Variants in NEDD4 observed in about 807,000 individuals in gnomAD.
NEDD4 encodes the protein NEDD4 E3 ubiquitin protein ligase, also known as E3 ubiquitin-protein ligase NEDD4.
In NEDD4, 99 loss-of-function variants were observed where a neutral mutation model predicts 144.9. The ratio of observed to expected loss-of-function variants is 0.68; its 90% CI spans 0.58 to 0.81. The LOEUF (loss-of-function observed/expected upper bound fraction) is 0.81, where lower values mean the gene tolerates loss of function less well. Among genes scored for constraint, NEDD4 ranks in the 30% least tolerant of loss-of-function variants. The probability of loss-of-function intolerance (pLI) is 0.00; values close to 1 mark genes in which losing one functional copy is unlikely to be tolerated. For synonymous variants in NEDD4, 318 were observed against 350.6 expected, an observed-to-expected ratio of 0.91 and a Z score of 1.04; for missense variants, 985 against 1,065.9, an observed-to-expected ratio of 0.92 and a Z score of 1.06.
intron 18 of NEDD4, among the ~76,000 whole-genome samples, chr15:55,842,583 G>A (rs1213858220): frequency 6.6e-6 from 1 of 152,094 alleles, no homozygotes; most frequent in East Asian, 1.9e-4. Flanking sequence ...TTGCCATCTT[G>A]CCCAGGCTGG....
chr15:55,984,834 G>GT (rs1445814148), intron 1 of NEDD4, among the ~76,000 whole-genome samples: 1 of 152,222 alleles, frequency 6.6e-6, no homozygotes, highest in Non-Finnish European at 1.5e-5. Context: ...TAAAGAAGAA[G>GT]TAACATCAAT....
intron 4 of NEDD4, among the ~76,000 whole-genome samples, chr15:55,947,709 T>C (rs35329525): frequency 0.13 from 20,487 of 152,254 alleles, 1,508 homozygotes; most frequent in East Asian, 0.32. Flanking sequence ...ACCATATGAT[T>C]ATCTCAATAG....
At chr15:55,928,114 A>T (rs1434477432) in intron 4 of NEDD4, among the ~76,000 whole-genome samples, 1 of 151,912 alleles carries the variant, frequency 6.6e-6, no homozygotes, top group African/African-American at 2.4e-5. Flanking sequence ...GGTTCAAGCG[A>T]TTCTCCTGCC....
At chr15:55,913,919 G>A (rs751948838) in intron 5 of NEDD4, among the ~76,000 whole-genome samples, 6 of 151,696 alleles carry the variant, frequency 4.0e-5, no homozygotes, top group Non-Finnish European at 5.9e-5. Flanking sequence ...TACTATTAAC[G>A]TTTCTTCTCA....
chr15:55,919,624 T>G (rs932447069), intron 5 of NEDD4, among the ~76,000 whole-genome samples: 5 of 152,158 alleles, frequency 3.3e-5, no homozygotes, highest in African/African-American at 1.2e-4. Flanking sequence ...ATCCTAACCT[T>G]AAGTGTAGAA....
At chr15:55,979,337 C>T (rs7177040) in intron 1 of NEDD4, among the ~76,000 whole-genome samples, 122,722 of 123,624 alleles carry the variant, frequency 0.99, 60,913 homozygotes, top group Middle Eastern at 1. Context: ...AAGTTTTTAC[C>T]TCTTTTTTTT....
rs143131685 is a variant in NEDD4 at position 55,934,139 on chromosome 15, G to C, written c.238-9440C>G. ...CTGCACTCCAGCCTGGGCAACAAGA[G>C]TGAAACTCTGTCTCAAAATAATAAT... is the stretch of plus-strand genomic sequence containing the variant. On this transcript the variant is annotated intron_variant, in intron 4 of 28. Transcript: ENST00000435532. 2.8e-3 allele frequency among the ~76,000 whole-genome samples: 422 copies of C among 152,188 alleles called. 2 individuals carry two copies. The highest frequency in any genetic ancestry group is 4.8e-3 in the Non-Finnish European group (326 of 68,024).
Position 55,830,558 on chromosome 15 carries a change from A to C in NEDD4, c.2556T>G (p.Val852=), listed in dbSNP as rs1480654942. 2 of 1,613,990 alleles carry C rather than the reference A, an allele frequency of 1.2e-6. No homozygotes were observed. Among genetic ancestry groups the C allele is most frequent in the Non-Finnish European group, 1.7e-6 (2 of 1,179,968 alleles). Residue 852 remains valine, a synonymous_variant, in exon 28 of 29, where the codon GTT becomes GTG. Coordinates refer to ENST00000435532, the MANE Select transcript of NEDD4 (RefSeq NM_006154.4). ...GCTTTTCAGGAGTACCCCACTGTTC[A>C]ACTGTAAATGACTGTGGTCCATTTG... ...YGSNGPQSFT[V]EQWGTPEKLP...
intron 5 of NEDD4, among the ~76,000 whole-genome samples, chr15:55,909,858 A>G (rs2036213890): frequency 6.6e-6 from 1 of 152,188 alleles, no homozygotes; most frequent in South Asian, 2.1e-4. Flanking sequence ...TCTACATGGA[A>G]GCTCTATTTT....
chr15:55,876,762 T>G (rs1199155000), intron 5 of NEDD4, among the ~76,000 whole-genome samples: 1 of 152,208 alleles, frequency 6.6e-6, no homozygotes, highest in Non-Finnish European at 1.5e-5. Flanking sequence ...ATTGTCAAGC[T>G]GAATAAAAAT....
intron 5 of NEDD4, among the ~76,000 whole-genome samples, chr15:55,886,270 C>T (rs1465726181): frequency 6.6e-6 from 1 of 152,204 alleles, no homozygotes; most frequent in African/African-American, 2.4e-5. Flanking sequence ...CAACATCACA[C>T]TTTCAGCATT....
chr15:55,931,156 G>C (rs1595855000), intron 4 of NEDD4, among the ~76,000 whole-genome samples: 1 of 152,164 alleles, frequency 6.6e-6, no homozygotes, highest in African/African-American at 2.4e-5. Context: ...ATAAAGCAAT[G>C]TCTTCAAATT....
At chr15:55,842,301 A>C (rs1232876803) in intron 18 of NEDD4, 138 bp from the exon 19 acceptor site, 9 of 677,944 alleles carry the variant, frequency 1.3e-5, no homozygotes, top group Non-Finnish European at 2.2e-5. Context: ...CAGGGAAAAC[A>C]CAACTAGGTA....
chr15:55,910,284 T>A (rs2036229710), intron 5 of NEDD4, among the ~76,000 whole-genome samples: 1 of 152,178 alleles, frequency 6.6e-6, no homozygotes, highest in Non-Finnish European at 1.5e-5. Flanking sequence ...CTTTCTTCAA[T>A]CTGGCTTTTA....
chr15:55,953,155 A>C (rs1219620442), intron 2 of NEDD4, among the ~76,000 whole-genome samples: 1 of 151,616 alleles, frequency 6.6e-6, no homozygotes, highest in Admixed American at 6.6e-5. Flanking sequence ...ACGCCCGGCT[A>C]ATTTTTGTAT....
chr15:55,944,532 C>G (rs1261043401), intron 4 of NEDD4, among the ~76,000 whole-genome samples: 1 of 152,208 alleles, frequency 6.6e-6, no homozygotes. Context: ...GGCCTACTGC[C>G]TATATAGACT....
Position 55,860,711 on chromosome 15 carries a change from G to A in NEDD4, c.742C>T (p.Arg248Trp), listed in dbSNP as rs777969350. 1.2e-6 allele frequency: 2 copies of A among 1,614,008 alleles called. No homozygotes were observed. The change falls in exon 10 of 29, where the codon CGG becomes TGG. Residue 248 changes from arginine to tryptophan, a missense_variant. By Grantham distance (101) the Arg-to-Trp change is moderately radical. Transcript: ENST00000435532. ...LQAQRAFTTRRQISEETESVD... is the reference protein window; with the variant it reads ...LQAQRAFTTRWQISEETESVD... The stretch of plus-strand genomic sequence containing the variant: ...CTTTCTGTTTCCTCGGATATCTGCC[G>A]CCTGGTGGTAAATGCACGTTGTGCT...
At chr15:55,878,968 A>C (rs1338867844) in intron 5 of NEDD4, among the ~76,000 whole-genome samples, 10 of 152,190 alleles carry the variant, frequency 6.6e-5, no homozygotes, top group African/African-American at 2.4e-4. Context: ...GATTACAGGC[A>C]TGTGCCACCA....
intron 5 of NEDD4, among the ~76,000 whole-genome samples, chr15:55,891,109 A>C (rs1317401899): frequency 6.6e-6 from 1 of 152,196 alleles, no homozygotes; most frequent in Non-Finnish European, 1.5e-5. Flanking sequence ...CAAAAATCCC[A>C]CATGGTGAGA....
Sources: gnomAD v4.1 joint callset for allele counts (sites outside exome capture counted in the v4.1 genomes callset) on GRCh38, gnomAD v4.1.1 for gene constraint, MANE v1.5 for transcripts, NCBI Gene and HGNC (gene_info 2026-07-23, HGNC 2026-07-21) for gene names.